The following B4GALT6 variants were observed in gnomAD, a reference collection of about 807,000 sequenced individuals.
The protein encoded by B4GALT6 is beta-1,4-galactosyltransferase 6.
Under a neutral mutation model 46.3 loss-of-function variants are expected in B4GALT6, and 14 were observed. The ratio of observed to expected loss-of-function variants is 0.30; its 90% CI spans 0.20 to 0.47. The LOEUF (loss-of-function observed/expected upper bound fraction) is 0.47, where lower values mean the gene tolerates loss of function less well. Among genes scored for constraint, B4GALT6 ranks in the 20% least tolerant of loss-of-function variants. The pLI, the probability that B4GALT6 is intolerant of heterozygous loss-of-function variation, is 0.99. For missense variants in B4GALT6, 386 were observed against 480.1 expected, an observed-to-expected ratio of 0.80 and a Z score of 1.83; for synonymous variants, 168 against 162.0, an observed-to-expected ratio of 1.04 and a Z score of -0.28.
At position 31,645,010 on chromosome 18, in the gene B4GALT6, G is replaced by C. The variant is rs138887243; in HGVS notation, c.471+345C>G. On this transcript the variant is annotated intron_variant, in intron 4 of 8. Transcript: ENST00000306851. Reference sequence around the variant, plus strand: ...TGCTTGCAGGTGTCAGTAATCATTAGGGACAGCTGCAGGAGGCAGGGAACT... The same window carrying C: ...TGCTTGCAGGTGTCAGTAATCATTACGGACAGCTGCAGGAGGCAGGGAACT... 7.9e-5 allele frequency among the ~76,000 whole-genome samples: 12 copies of C among 152,288 alleles called. No individual in the cohort carries two copies. The East Asian group carries it at 2.1e-3, about 27-fold the overall frequency.
upstream of B4GALT6, among the ~76,000 whole-genome samples, chr18:31,689,330 G>A (rs943308483): frequency 6.6e-6 from 1 of 152,154 alleles, no homozygotes; most frequent in African/African-American, 2.4e-5. Context: ...CTATGGGGGT[G>A]GAAGGTGGGA....
upstream of B4GALT6, among the ~76,000 whole-genome samples, chr18:31,688,439 A>G (rs1387657046): frequency 6.6e-6 from 1 of 151,828 alleles, no homozygotes; most frequent in African/African-American, 2.4e-5. Context: ...AACAAATATG[A>G]TCACTTTAAA....
At chr18:31,637,238 A>G (rs1307427178) in intron 5 of B4GALT6, among the ~76,000 whole-genome samples, 1 of 151,254 alleles carries the variant, frequency 6.6e-6, no homozygotes, top group East Asian at 1.9e-4. Flanking sequence ...CAGCTTTGAT[A>G]GCATCTGTTC....
intron 2 of B4GALT6, among the ~76,000 whole-genome samples, chr18:31,663,659 G>A (rs1376002498): frequency 1.3e-5 from 2 of 152,080 alleles, no homozygotes; most frequent in East Asian, 3.9e-4. Flanking sequence ...TTCCCCTCTA[G>A]AGCTCAGTTA....
intron 2 of B4GALT6, among the ~76,000 whole-genome samples, chr18:31,664,985 T>C (rs1198971427): frequency 6.6e-6 from 1 of 152,126 alleles, no homozygotes; most frequent in Non-Finnish European, 1.5e-5. Flanking sequence ...ATTAGGCAAA[T>C]GACTAGAATG....
chr18:31,652,728 C>A (rs1166831059), intron 3 of B4GALT6, among the ~76,000 whole-genome samples: 2 of 152,210 alleles, frequency 1.3e-5, no homozygotes, highest in Non-Finnish European at 2.9e-5. Context: ...ACCCTCACCC[C>A]TCAACTGGTC....
intron 2 of B4GALT6, among the ~76,000 whole-genome samples, chr18:31,661,105 T>C (rs1242829126): frequency 1.3e-5 from 2 of 151,944 alleles, no homozygotes; most frequent in East Asian, 1.9e-4. Flanking sequence ...TCAACAAAAA[T>C]AAACAGATCT....
At chr18:31,685,306 G>A (rs2074533908), upstream of B4GALT6, among the ~76,000 whole-genome samples, 2 of 50,970 alleles carry the variant, frequency 3.9e-5, no homozygotes, top group Non-Finnish European at 1.6e-4. Flanking sequence ...GCGCGCTGCG[G>A]GCAGAGCCGG....
In B4GALT6 at chr18:31,629,458, T is replaced by TTA. The variant is rs1555634061; in HGVS notation, c.776+1500_776+1501insTA. On this transcript the variant is annotated intron_variant, in intron 6 of 8. Transcript: ENST00000306851. ...ATATGCCCTTTATGATTTTTTTTTT[T>TTA]TTTTTTTTTTTTTTTTTTTTTTTTT... Among the ~76,000 whole-genome samples, 3 of 118,764 alleles carry TTA rather than the reference T, an allele frequency of 2.5e-5. 1 individual carries two copies. The highest frequency in any genetic ancestry group is 1.0e-4 in the African/African-American group (3 of 29,704). The allele number at this position is 118,764 out of a possible 152,430, so 77.9% of individuals were successfully genotyped here.
chr18:31,638,512 G>A, intron 5 of B4GALT6, 132 bp downstream of exon 5: 2 of 776,562 alleles, frequency 2.6e-6, no homozygotes, highest in Non-Finnish European at 2.1e-6. Context: ...GGGCAACACA[G>A]CAAGACTCTG....
chr18:31,683,597 C>A (rs552856902), intron 1 of B4GALT6, among the ~76,000 whole-genome samples: 23 of 152,144 alleles, frequency 1.5e-4, no homozygotes, highest in Admixed American at 1.2e-3. Flanking sequence ...GTATTTTGCA[C>A]CAAAGGCCAA....
At chr18:31,724,334 C>G in the B4GALT6 span, 1 of 689,624 alleles carries the variant, frequency 1.5e-6, no homozygotes, top group African/African-American at 1.9e-5. Flanking sequence ...CTAGTCCAGG[C>G]GGCTTAGCCT....
At chr18:31,690,083 A>G (rs1278518338), upstream of B4GALT6, among the ~76,000 whole-genome samples, 2 of 152,212 alleles carry the variant, frequency 1.3e-5, no homozygotes, top group Non-Finnish European at 2.9e-5. Context: ...TTAACTTATT[A>G]TGGCCAAAAT....
rs73954663 is a variant in B4GALT6, at chr18:31,675,040, C to T, written c.116-8668G>A. On this transcript the variant is annotated intron_variant, in intron 1 of 8. Transcript: ENST00000306851. ...TTCTGTGTTCAGAGCCCCACTTTAT[C>T]AAACAACAAATACAATGATCACATA... Among the ~76,000 whole-genome samples the T allele has an allele frequency of 6.4e-3, 975 of 152,146 alleles. 14 individuals are homozygous for T. The highest frequency in any genetic ancestry group is 0.023 in the African/African-American group (945 of 41,502).
At chr18:31,696,217 C>T in the B4GALT6 span, among the ~76,000 whole-genome samples, 1 of 151,944 alleles carries the variant, frequency 6.6e-6, no homozygotes, top group Non-Finnish European at 1.5e-5. Context: ...AGATAGCAGG[C>T]TTGAGATAAT....
the B4GALT6 span, among the ~76,000 whole-genome samples, chr18:31,715,174 T>C: frequency 6.6e-6 from 1 of 152,194 alleles, no homozygotes; most frequent in Non-Finnish European, 1.5e-5. Flanking sequence ...AAGTGTTTCA[T>C]TTCTTAGTCA....
intron 8 of B4GALT6, 49 bp downstream of exon 8, chr18:31,626,234 A>T: frequency 9.0e-7 from 1 of 1,113,084 alleles, no homozygotes; most frequent in Non-Finnish European, 1.3e-6. Context: ...CCTTTCATTT[A>T]TTCAACAGCT....
chr18:31,706,008 A>G, the B4GALT6 span, among the ~76,000 whole-genome samples: 1 of 152,216 alleles, frequency 6.6e-6, no homozygotes, highest in Non-Finnish European at 1.5e-5. Context: ...AATGAGAATC[A>G]TGCTTTTAGC....
the B4GALT6 span, among the ~76,000 whole-genome samples, chr18:31,693,829 A>G: frequency 1.0e-3 from 153 of 152,254 alleles, 1 homozygote; most frequent in African/African-American, 3.6e-3. Context: ...TTGCCCAGGC[A>G]TGGCAGTACA....
Sources: gnomAD v4.1 joint callset for allele counts (sites outside exome capture counted in the v4.1 genomes callset) on GRCh38, gnomAD v4.1.1 for gene constraint, MANE v1.5 for transcripts, NCBI Gene and HGNC (gene_info 2026-07-23, HGNC 2026-07-21) for gene names.